The following ACTA2 variants were observed in gnomAD, a reference collection of about 807,000 sequenced individuals.
The protein encoded by ACTA2 is actin, aortic smooth muscle.
A neutral mutation model predicts 39.5 loss-of-function variants in ACTA2; 12 were observed. The ratio of observed to expected loss-of-function variants is 0.30; its 90% confidence interval spans 0.19 to 0.49. The LOEUF (loss-of-function observed/expected upper bound fraction) is 0.49, where lower values mean the gene tolerates loss of function less well. ACTA2 is among the 20% of genes least tolerant of loss of function. The pLI, the probability that ACTA2 is intolerant of heterozygous loss-of-function variation, is 0.99. For synonymous variants in ACTA2, 158 were observed against 180.6 expected, an observed-to-expected ratio of 0.88 and a Z score of 1.00; for missense variants, 236 against 498.8, an observed-to-expected ratio of 0.47 and a Z score of 5.02.
At chr10:88,946,327 G>C (rs2133267235) in intron 3 of ACTA2, among the ~76,000 whole-genome samples, 1 of 149,002 alleles carries the variant, frequency 6.7e-6, no homozygotes, top group African/African-American at 2.5e-5. Context: ...TGTTGCTCAG[G>C]CTGGTCTCAA....
intron 7 of ACTA2, among the ~76,000 whole-genome samples, chr10:88,938,689 T>C (rs1334607570): frequency 6.6e-6 from 1 of 151,250 alleles, no homozygotes; most frequent in African/African-American, 2.4e-5. Flanking sequence ...CTCTATTTTT[T>C]ATCCTGTTGG....
chr10:88,984,674 C>T (rs1190251748), intron 1 of ACTA2, among the ~76,000 whole-genome samples: 2 of 152,274 alleles, frequency 1.3e-5, no homozygotes, highest in African/African-American at 4.8e-5. Context: ...CTCTTGACTT[C>T]TTATGTTTAG....
intron 1 of ACTA2, chr10:88,975,155 A>T (rs1444976963): frequency 2.2e-5 from 1 of 46,488 alleles, no homozygotes; most frequent in Non-Finnish European, 6.7e-5. Flanking sequence ...TCAACGATTA[A>T]AAAAAAAAAA....
intron 1 of ACTA2, among the ~76,000 whole-genome samples, chr10:88,975,856 A>G (rs1002166281): frequency 2.0e-5 from 3 of 152,166 alleles, no homozygotes; most frequent in Non-Finnish European, 4.4e-5. Context: ...TTTTTAGTGC[A>G]CTATCAGTAT....
At chr10:88,960,298 T>C (rs1182187555) in intron 1 of ACTA2, among the ~76,000 whole-genome samples, 1 of 152,164 alleles carries the variant, frequency 6.6e-6, no homozygotes, top group Non-Finnish European at 1.5e-5. Context: ...CAGAACCACA[T>C]GACATCCAGT....
At chr10:88,937,964 C>T in intron 8 of ACTA2, 97 bp downstream of exon 8, 3 of 1,439,194 alleles carry the variant, frequency 2.1e-6, no homozygotes, top group Non-Finnish European at 2.9e-6. Flanking sequence ...CCCACAATTG[C>T]ATGTCACCAA....
intron 1 of ACTA2, among the ~76,000 whole-genome samples, chr10:88,976,556 A>G (rs540356881): frequency 1.3e-5 from 2 of 152,218 alleles, no homozygotes; most frequent in Non-Finnish European, 2.9e-5. Context: ...GTAGTTCTAT[A>G]GCAAAAACCC....
intron 1 of ACTA2, among the ~76,000 whole-genome samples, chr10:88,959,810 C>T (rs1244790369): frequency 6.6e-6 from 1 of 152,154 alleles, no homozygotes; most frequent in Admixed American, 6.5e-5. Flanking sequence ...GTGACAGTTT[C>T]TCAGACTTTT....
At chr10:88,935,445 T>C in intron 8 of ACTA2, 79 bp from the exon 9 acceptor site, 2 of 1,513,514 alleles carry the variant, frequency 1.3e-6, no homozygotes, top group Non-Finnish European at 1.8e-6. Flanking sequence ...AGAGCCTGGA[T>C]GTTCTACCAT....
At chr10:88,945,204 A>C (rs559967408) in intron 3 of ACTA2, among the ~76,000 whole-genome samples, 1 of 152,342 alleles carries the variant, frequency 6.6e-6, no homozygotes, top group African/African-American at 2.4e-5. Context: ...ATACATTCTA[A>C]GATGTTGTCA....
chr10:88,991,074 G>C, exon 1 of ACTA2: 4 of 808,938 alleles, frequency 4.9e-6, no homozygotes, highest in Non-Finnish European at 8.1e-6. Flanking sequence ...CCCGGGGGCT[G>C]TTAGGACCTT....
At chr10:88,978,707 G>A (rs1049904431) in intron 1 of ACTA2, among the ~76,000 whole-genome samples, 2 of 152,158 alleles carry the variant, frequency 1.3e-5, no homozygotes, top group African/African-American at 4.8e-5. Flanking sequence ...GGGAACTGAA[G>A]ATGTCTAGGT....
chr10:88,954,866 A>G (rs1846108065), upstream of ACTA2, among the ~76,000 whole-genome samples: 1 of 152,148 alleles, frequency 6.6e-6, no homozygotes, highest in Non-Finnish European at 1.5e-5. Context: ...TTCACATCCC[A>G]TCCAAGTCTC....
chr10:88,969,773 A>G (rs1589414778), intron 1 of ACTA2, among the ~76,000 whole-genome samples: 1 of 152,152 alleles, frequency 6.6e-6, no homozygotes, highest in East Asian at 1.9e-4. Context: ...CAATTATTTC[A>G]TTCGTATACA....
At chr10:88,955,109 C>T (rs1305698604), upstream of ACTA2, among the ~76,000 whole-genome samples, 1 of 151,812 alleles carries the variant, frequency 6.6e-6, no homozygotes. Context: ...AAAATAAATT[C>T]CAAGCTAAAG....
chr10:88,989,627 G>A, intron 1 of ACTA2: 1 of 526,400 alleles, frequency 1.9e-6, no homozygotes, highest in South Asian at 1.4e-5. Flanking sequence ...AAAGCCCTCA[G>A]GAGGGTAACC....
intron 1 of ACTA2, among the ~76,000 whole-genome samples, chr10:88,979,306 G>A (rs755580817): frequency 6.6e-6 from 1 of 152,186 alleles, no homozygotes; most frequent in Non-Finnish European, 1.5e-5. Context: ...CGGCTCTGCC[G>A]CAGGGTGCCT....
At chr10:88,938,431 A>C (rs1328003798) in intron 7 of ACTA2, 189 bp from the exon 8 acceptor site, 1 of 642,970 alleles carries the variant, frequency 1.6e-6, no homozygotes, top group Non-Finnish European at 2.7e-6. Flanking sequence ...CCTGCCTTCT[A>C]ATGAGGAAGG....
At chr10:88,984,768 G>A (rs770543069) in intron 1 of ACTA2, among the ~76,000 whole-genome samples, 4 of 152,120 alleles carry the variant, frequency 2.6e-5, no homozygotes, top group Admixed American at 6.6e-5. Flanking sequence ...GAGCTAGAGT[G>A]AGAGAAAGAG....
Sources: allele counts gnomAD v4.1 joint callset (sites outside exome capture counted in the v4.1 genomes callset), GRCh38; gene constraint gnomAD v4.1.1; transcripts MANE v1.5; gene names NCBI Gene and HGNC (gene_info 2026-07-23, HGNC 2026-07-21).